Variants in NAA11 observed in about 807,000 individuals in gnomAD.
NAA11 encodes N-alpha-acetyltransferase 11.
A neutral mutation model predicts 16.1 loss-of-function variants in NAA11; 15 were observed. The observed-to-expected ratio is 0.93, with a 90% CI of 0.62 to 1.44. The LOEUF is 1.44. Among genes scored for constraint, NAA11 ranks in the 40% most tolerant of loss-of-function variants. The pLI, the probability that NAA11 is intolerant of heterozygous loss-of-function variation, is 0.00. For synonymous variants in NAA11, 122 were observed against 112.4 expected (o/e 1.09, Z -0.54); for missense variants, 298 against 291.3 (o/e 1.02, Z -0.17).
the NAA11 span, among the ~76,000 whole-genome samples, chr4:79,192,163 A>C: frequency 6.6e-6 from 1 of 151,986 alleles, no homozygotes; most frequent in Admixed American, 6.6e-5. Flanking sequence ...TTGGCTATTC[A>C]GGCTCTTTTT....
At chr4:79,186,700 T>C in the NAA11 span, among the ~76,000 whole-genome samples, 1 of 151,840 alleles carries the variant, frequency 6.6e-6, no homozygotes, top group Admixed American at 6.6e-5. Flanking sequence ...AGAGATGGAT[T>C]TTGTCAAATG....
chr4:79,300,147 A>C (rs13136793), intron 1 of NAA11, among the ~76,000 whole-genome samples: 3 of 152,226 alleles, frequency 2.0e-5, no homozygotes, highest in Admixed American at 2.0e-4. Flanking sequence ...TGTAAAAATA[A>C]CATTGAGAAC....
At chr4:79,174,517 C>T in the NAA11 span, among the ~76,000 whole-genome samples, 2 of 152,054 alleles carry the variant, frequency 1.3e-5, no homozygotes, top group African/African-American at 4.8e-5. Flanking sequence ...CTTTTTCTTA[C>T]AATTTACTGG....
At chr4:79,175,346 A>G in the NAA11 span, among the ~76,000 whole-genome samples, 1 of 152,128 alleles carries the variant, frequency 6.6e-6, no homozygotes, top group Non-Finnish European at 1.5e-5. Context: ...TCAAGTTATC[A>G]TGTCCTTTAT....
chr4:79,246,703 A>G (rs1020728095), intron 2 of NAA11, among the ~76,000 whole-genome samples: 34 of 152,242 alleles, frequency 2.2e-4, no homozygotes, highest in African/African-American at 7.2e-4. Context: ...CTAAATAGTG[A>G]GCTAAGCACT....
chr4:79,324,732 T>C (rs1471169339), intron 1 of NAA11, among the ~76,000 whole-genome samples: 1 of 152,230 alleles, frequency 6.6e-6, no homozygotes, highest in Non-Finnish European at 1.5e-5. Flanking sequence ...GTCTGATCCA[T>C]CATTACAAAG....
At chr4:79,296,364 A>G (rs1723220905) in intron 1 of NAA11, among the ~76,000 whole-genome samples, 1 of 152,228 alleles carries the variant, frequency 6.6e-6, no homozygotes, top group South Asian at 2.1e-4. Flanking sequence ...CCAATAAGCC[A>G]TTCTTGACAG....
chr4:79,296,904 A>G (rs1723235761), intron 1 of NAA11, among the ~76,000 whole-genome samples: 2 of 152,146 alleles, frequency 1.3e-5, no homozygotes, highest in African/African-American at 2.4e-5. Flanking sequence ...TGATTCTTCA[A>G]TGCTTAAATT....
At chr4:79,179,894 T>G in the NAA11 span, among the ~76,000 whole-genome samples, 14 of 152,190 alleles carry the variant, frequency 9.2e-5, no homozygotes, top group Non-Finnish European at 1.6e-4. Flanking sequence ...CTTACAATCA[T>G]AGCGGAAGGC....
the NAA11 span, among the ~76,000 whole-genome samples, chr4:79,167,946 T>C: frequency 6.6e-6 from 1 of 152,192 alleles, no homozygotes; most frequent in Non-Finnish European, 1.5e-5. Context: ...TAGGTGCACC[T>C]GTGCCATGGT....
chr4:79,282,554 A>G (rs1722818144), intron 2 of NAA11, among the ~76,000 whole-genome samples: 1 of 152,112 alleles, frequency 6.6e-6, no homozygotes, highest in Non-Finnish European at 1.5e-5. Context: ...TTCCTAGATC[A>G]ACTAGATAGA....
intron 2 of NAA11, among the ~76,000 whole-genome samples, chr4:79,268,255 A>G (rs1722395205): frequency 6.6e-6 from 1 of 152,170 alleles, no homozygotes; most frequent in African/African-American, 2.4e-5. Flanking sequence ...TAGAATAATC[A>G]GTAGTTTATT....
At chr4:79,277,447 T>G (rs1722680843) in intron 2 of NAA11, among the ~76,000 whole-genome samples, 1 of 152,112 alleles carries the variant, frequency 6.6e-6, no homozygotes, top group African/African-American at 2.4e-5. Flanking sequence ...TTAAAAAGTT[T>G]GAAAAGAAAG....
the NAA11 span, among the ~76,000 whole-genome samples, chr4:79,192,545 A>G: frequency 6.6e-6 from 1 of 151,862 alleles, no homozygotes; most frequent in Non-Finnish European, 1.5e-5. Context: ...ATGTCCCTAC[A>G]AAGGACATGA....
chr4:79,247,563 CTAAA>C (rs1721867485), intron 2 of NAA11, among the ~76,000 whole-genome samples: 1 of 152,102 alleles, frequency 6.6e-6, no homozygotes, highest in Non-Finnish European at 1.5e-5. Context: ...ACATAGCCAA[CTAAA>C]TACAGCCAGG....
chr4:79,167,136 A>T, the NAA11 span, among the ~76,000 whole-genome samples: 1 of 56,434 alleles, frequency 1.8e-5, no homozygotes, highest in Non-Finnish European at 3.5e-5. Context: ...CTTATTTTAT[A>T]TATATATATA....
rs1485051433 is a variant in NAA11, at chr4:79,244,010, T to C, written c.*123-17740A>G. 3.3e-5 allele frequency among the ~76,000 whole-genome samples: 5 copies of C among 152,192 alleles called. No homozygotes were observed. The East Asian group carries it at 9.6e-4, about 29-fold the overall frequency. ...AGTTATAGGCATGCCCAACTGAGGC[T>C]TTCTTCCTTTTTCCAATGGAGTGTA... On this transcript the variant is annotated intron_variant and NMD_transcript_variant, in intron 2 of 2. Coordinates refer to the NAA11 transcript ENST00000511542.
chr4:79,282,808 A>C (rs28548377), intron 2 of NAA11, among the ~76,000 whole-genome samples: 93,786 of 151,906 alleles, frequency 0.62, 30,301 homozygotes, highest in African/African-American at 0.8. Flanking sequence ...ATACGGAATT[A>C]TTTAACTCCA....
chr4:79,302,788 G>A (rs922230127), intron 1 of NAA11, among the ~76,000 whole-genome samples: 5 of 151,914 alleles, frequency 3.3e-5, no homozygotes, highest in African/African-American at 1.2e-4. Context: ...GGACTAGTAT[G>A]TGTAATCCAA....
Sources: gnomAD v4.1 joint callset for allele counts (sites outside exome capture counted in the v4.1 genomes callset) on GRCh38, gnomAD v4.1.1 for gene constraint, MANE v1.5 for transcripts, NCBI Gene and HGNC (gene_info 2026-07-23, HGNC 2026-07-21) for gene names.